CD99L2: variants seen among roughly 807,000 people sequenced by gnomAD.
The protein encoded by CD99L2 is CD99 antigen-like protein 2.
In CD99L2, 24 loss-of-function variants were observed where a neutral mutation model predicts 27.3. The ratio of observed to expected loss-of-function variants is 0.88; its 90% CI spans 0.64 to 1.24. The LOEUF (loss-of-function observed/expected upper bound fraction) is 1.24. CD99L2 is among the 50% of genes most tolerant of loss of function. The pLI is 0.00. For synonymous variants in CD99L2, 97 were observed against 87.9 expected (o/e 1.10, Z -0.58); for missense variants, 255 against 221.6 (o/e 1.15, Z -0.96).
chrX:150,768,424 C>T lies in CD99L2; in HGVS notation c.*610G>A, dbSNP rs111899322. ...AATCACTGAAAGCCTCCGCTTGGACCGGCTCTCCGGAAGCCCAGCAACATA... is the reference window on the plus strand; with the variant it reads ...AATCACTGAAAGCCTCCGCTTGGACTGGCTCTCCGGAAGCCCAGCAACATA... On this transcript the variant is annotated 3_prime_UTR_variant, in exon 11 of 11. Coordinates refer to ENST00000370377, the MANE Select transcript of CD99L2 (RefSeq NM_031462.4). 4 of 112,817 alleles carry T rather than the reference C, an allele frequency of 3.5e-5. No individual in the cohort carries two copies. Among genetic ancestry groups the T allele is most frequent in the Non-Finnish European group, 7.5e-5 (4 of 53,454 alleles). The allele number at this position is 112,817 out of a possible 1,213,427, so 9.3% of individuals were successfully genotyped here.
chrX:150,898,164 A>T (rs2047648144), intron 1 of CD99L2, among the ~76,000 whole-genome samples: 1 of 106,602 alleles, frequency 9.4e-6, no homozygotes, highest in Admixed American at 1.0e-4. Flanking sequence ...GCCTCGCAGC[A>T]AATTTCGAAA....
chrX:150,868,559 A>T (rs1345742927), intron 1 of CD99L2, among the ~76,000 whole-genome samples: 1 of 112,285 alleles, frequency 8.9e-6, no homozygotes, highest in African/African-American at 3.2e-5. Flanking sequence ...TGTTAACTGT[A>T]GTCATCCTAA....
rs1569566009 is a variant in CD99L2, at chrX:150,824,562, A to AGG, written c.130+6668_130+6669insCC. Among the ~76,000 whole-genome samples the AGG allele has an allele frequency of 5.1e-3, 441 of 86,235 alleles. 7 individuals carry two copies. Among genetic ancestry groups the AGG allele is most frequent in the Middle Eastern group, 0.014 (2 of 144 alleles). 74.9% of individuals were successfully genotyped at this position (86,235 alleles called of 115,157 possible). A position where few individuals can be genotyped will look rare whatever the true frequency, so the allele number is the denominator to read the frequency against. On this transcript the variant is annotated intron_variant, in intron 2 of 10. Transcript: ENST00000370377. Reference sequence around the variant, plus strand: ...GAAGGAAGAAGGAAGAAGAAGAAAGAAGGAGGAGGAGGAGGAGGAGAAGGA... The same window carrying AGG: ...GAAGGAAGAAGGAAGAAGAAGAAAGAGGAGGAGGAGGAGGAGGAGGAGAAGGA...
chrX:150,777,275 G>A (rs1165813080), intron 8 of CD99L2, 169 bp downstream of exon 8: 20 of 548,858 alleles, frequency 3.6e-5, no homozygotes, highest in South Asian at 2.9e-4. Context: ...TGAGGGAGGC[G>A]TGCAGCTTTT....
At chrX:150,866,518 A>G (rs896409667) in intron 1 of CD99L2, among the ~76,000 whole-genome samples, 7 of 111,437 alleles carry the variant, frequency 6.3e-5, no homozygotes, top group African/African-American at 2.3e-4. Flanking sequence ...GGATTGCTTG[A>G]GGACAGGAGT....
At chrX:150,818,999 TTGA>T (rs782048393) in intron 2 of CD99L2, 5 of 321,491 alleles carry the variant, frequency 1.6e-5, no homozygotes, top group Non-Finnish European at 2.4e-5. Context: ...CAGGAGAAAC[TTGA>T]TGATGAGAAC....
intron 1 of CD99L2, among the ~76,000 whole-genome samples, chrX:150,846,290 C>A (rs2046702134): frequency 8.9e-6 from 1 of 112,187 alleles, no homozygotes; most frequent in Non-Finnish European, 1.9e-5. Context: ...ACAATTGGGG[C>A]CAAGGTTTCC....
chrX:150,798,819 C>T (rs2045855863), intron 4 of CD99L2, among the ~76,000 whole-genome samples: 1 of 112,461 alleles, frequency 8.9e-6, no homozygotes, highest in African/African-American at 3.2e-5. Context: ...CACAATCATG[C>T]CACTCAGTGC....
At chrX:150,793,980 T>C (rs1285277837) in intron 6 of CD99L2, among the ~76,000 whole-genome samples, 1 of 111,307 alleles carries the variant, frequency 9.0e-6, no homozygotes, top group Non-Finnish European at 1.9e-5. Flanking sequence ...AGGATGGCTA[T>C]ATCACTCCCG....
chrX:150,806,413 G>A (rs1252974645), intron 4 of CD99L2, among the ~76,000 whole-genome samples: 1 of 111,306 alleles, frequency 9.0e-6, no homozygotes, highest in Non-Finnish European at 1.9e-5. Flanking sequence ...GCACCACTAC[G>A]CCCAGCTAAT....
chrX:150,769,284 G>A (rs1044790807), intron 10 of CD99L2, among the ~76,000 whole-genome samples, 183 bp from the exon 11 acceptor site: 1 of 112,180 alleles, frequency 8.9e-6, no homozygotes, highest in Admixed American at 9.4e-5. Context: ...GAGAGAAAGA[G>A]AAAGCTGGAC....
At chrX:150,851,900 T>C (rs2046798427) in intron 1 of CD99L2, among the ~76,000 whole-genome samples, 2 of 112,193 alleles carry the variant, frequency 1.8e-5, no homozygotes, top group South Asian at 7.4e-4. Flanking sequence ...ATCCATAACT[T>C]AGCCCTATTT....
rs782620445 is a variant in CD99L2 at position 150,795,232 on chromosome X, C to T, written c.404G>A (p.Arg135His). Residue 135 changes from arginine to histidine, a missense_variant, in exon 6 of 11, where the codon CGC becomes CAC. Coordinates refer to ENST00000370377, the MANE Select transcript of CD99L2 (RefSeq NM_031462.4). Reference protein sequence around the residue: ...LDDRNDRDDGRRKPIAGGGGF... With the variant: ...LDDRNDRDDGHRKPIAGGGGF... ...TCCTCCTCCAGCAATTGGTTTCCTG[C>T]GGCCATCATCTCGATCATTTCGATC... 1.5e-5 allele frequency: 18 copies of T among 1,209,907 alleles called. No homozygotes were observed. Among genetic ancestry groups the T allele is most frequent in the African/African-American group, 7.0e-5 (4 of 57,167 alleles).
chrX:150,896,362 C>A (rs1295411599), intron 1 of CD99L2, among the ~76,000 whole-genome samples: 1 of 112,312 alleles, frequency 8.9e-6, no homozygotes, highest in African/African-American at 3.2e-5. Context: ...CAGGCCACTG[C>A]ACTCCAGCCT....
At chrX:150,848,121 C>CG (rs1403802191) in intron 1 of CD99L2, among the ~76,000 whole-genome samples, 3 of 107,817 alleles carry the variant, frequency 2.8e-5, no homozygotes, top group Admixed American at 2.0e-4. Context: ...GCCCCCCCCC[C>CG]CTTGTACTAT....
At chrX:150,787,345 T>C in intron 7 of CD99L2, among the ~76,000 whole-genome samples, 1 of 111,934 alleles carries the variant, frequency 8.9e-6, no homozygotes, top group Middle Eastern at 4.6e-3. Flanking sequence ...TTCAGGGTTT[T>C]CATAGATTTG....
intron 2 of CD99L2, among the ~76,000 whole-genome samples, chrX:150,819,416 T>C (rs1482305884): frequency 8.9e-6 from 1 of 111,798 alleles, no homozygotes. Flanking sequence ...ATTGCAGAGT[T>C]AAGTTCATTA....
At chrX:150,835,589 T>C (rs2046514784) in intron 1 of CD99L2, among the ~76,000 whole-genome samples, 1 of 111,273 alleles carries the variant, frequency 9.0e-6, no homozygotes, top group South Asian at 3.8e-4. Context: ...AAAATAATAC[T>C]GAAATTCTCT....
intron 1 of CD99L2, among the ~76,000 whole-genome samples, chrX:150,839,932 G>C (rs782660570): frequency 9.1e-6 from 1 of 109,979 alleles, no homozygotes; most frequent in East Asian, 2.9e-4. Flanking sequence ...CAGCTACTTG[G>C]GAGGCTAAGG....
Sources: allele counts gnomAD v4.1 joint callset (sites outside exome capture counted in the v4.1 genomes callset), GRCh38; gene constraint gnomAD v4.1.1; transcripts MANE v1.5; gene names NCBI Gene and HGNC (gene_info 2026-07-23, HGNC 2026-07-21).